The following USH2A variants were observed in gnomAD, a reference collection of about 807,000 sequenced individuals.
USH2A encodes Usher syndrome 2A (autosomal recessive, mild).
Under a neutral mutation model 538.9 loss-of-function variants are expected in USH2A, and 443 were observed. The ratio of observed to expected loss-of-function variants is 0.82; its 90% confidence interval spans 0.76 to 0.89. USH2A has a LOEUF of 0.89. Among genes scored for constraint, USH2A ranks in the 40% least tolerant of loss-of-function variants. The pLI is 0.00. For missense variants in USH2A, 6,633 were observed against 6,324.8 expected, an observed-to-expected ratio of 1.05 and a Z score of -1.65; for synonymous variants, 2,413 against 2,273.5, an observed-to-expected ratio of 1.06 and a Z score of -1.75.
intron 64 of USH2A, among the ~76,000 whole-genome samples, chr1:215,660,062 C>T (rs1019313534): frequency 6.6e-6 from 1 of 152,108 alleles, no homozygotes; most frequent in Non-Finnish European, 1.5e-5. Flanking sequence ...TTTTGAAAGT[C>T]CCAAAGCTGC....
Position 216,292,322 on chromosome 1 carries a change from C to A in USH2A, c.1693G>T (p.Asp565Tyr). Residue 565 changes from aspartate to tyrosine, a missense_variant, in exon 10 of 72, where the codon GAT becomes TAT. By Grantham distance (160) the Asp-to-Tyr change is radical (BLOSUM62 -3). Transcript: ENST00000307340. ...LYNDKPFRQG[D>Y]QVYAFNCKPC... The stretch of plus-strand genomic sequence containing the variant: ...TTACAATTGAAAGCGTAAACTTGAT[C>A]ACCTTGGCGGAAAGGCTTGTCATTA... 2 of 1,613,984 alleles carry A rather than the reference C, an allele frequency of 1.2e-6. No homozygotes were observed. Among genetic ancestry groups the A allele is most frequent in the South Asian group, 2.2e-5 (2 of 91,032 alleles).
At chr1:216,247,738 C>T (rs2036081378) in intron 12 of USH2A, among the ~76,000 whole-genome samples, 1 of 152,000 alleles carries the variant, frequency 6.6e-6, no homozygotes, top group African/African-American at 2.4e-5. Flanking sequence ...GTATTGTATA[C>T]TTGAAAATTG....
chr1:216,040,627 C>A (rs889647925), intron 32 of USH2A, among the ~76,000 whole-genome samples: 16 of 151,950 alleles, frequency 1.1e-4, no homozygotes, highest in African/African-American at 2.9e-4. Context: ...TGCTGTCCAG[C>A]CTGAACTTTG....
At chr1:215,990,920 C>T (rs911292470) in intron 35 of USH2A, among the ~76,000 whole-genome samples, 1 of 151,926 alleles carries the variant, frequency 6.6e-6, no homozygotes, top group South Asian at 2.1e-4. Context: ...TGCCACTATG[C>T]CCGGCTAATT....
intron 54 of USH2A, 64 bp downstream of exon 54, chr1:215,781,978 C>G: frequency 6.2e-7 from 1 of 1,607,838 alleles, no homozygotes; most frequent in Non-Finnish European, 8.5e-7. Context: ...CAGTCACAAC[C>G]TGGATGTTCA....
At chr1:216,230,300 T>C (rs1255074607) in intron 14 of USH2A, among the ~76,000 whole-genome samples, 1 of 152,200 alleles carries the variant, frequency 6.6e-6, no homozygotes, top group Admixed American at 6.5e-5. Flanking sequence ...GCTCCTATTT[T>C]ACTATCAAAA....
Position 215,674,427 on chromosome 1 carries a change from C to T in USH2A, c.13484G>A (p.Arg4495His), listed in dbSNP as rs550096037. Residue 4495 changes from arginine (R) to histidine (H), a missense_variant, in exon 63 of 72, where the codon CGT (arginine) becomes CAT (histidine). Physicochemically the swap from Arg to His is conservative, Grantham distance 29 (BLOSUM62 0). Transcript: ENST00000307340. ...IVYTGLETRY[R>H]DFTLTPGVEY... ...CACACCTGGGGTGAGAGTAAAATCA[C>T]GATAGCGTGTTTCCAAGCCTGTATA... 5.1e-5 allele frequency: 83 copies of T among 1,614,092 alleles called. No individual in the cohort carries two copies. Among genetic ancestry groups the T allele is most frequent in the Middle Eastern group, 3.3e-4 (2 of 6,062 alleles).
rs140368318 is a variant in USH2A at position 215,973,940 on chromosome 1, TCA to T, written c.6806-3166_6806-3165del. Among the ~76,000 whole-genome samples the T allele has an allele frequency of 7.3e-3, 1,063 of 146,348 alleles. 11 individuals carry two copies. Among genetic ancestry groups the T allele is most frequent in the African/African-American group, 0.019 (771 of 39,654 alleles). On this transcript the variant is annotated intron_variant, in intron 35 of 71. Coordinates refer to ENST00000307340, the MANE Select transcript of USH2A (RefSeq NM_206933.4). ...AAGTCTAACTTTAACATAGGTGAGA[TCA>T]CACACACACACACACACACACACAC...
At chr1:216,199,173 T>C (rs1276744978) in intron 17 of USH2A, among the ~76,000 whole-genome samples, 2 of 152,198 alleles carry the variant, frequency 1.3e-5, no homozygotes, top group Non-Finnish European at 2.9e-5. Flanking sequence ...AACCAAGGGT[T>C]CAAATGCATG....
Position 216,190,309 on chromosome 1 carries a change from T to C in USH2A, c.4310A>G (p.Tyr1437Cys), listed in dbSNP as rs763370558. ...LSYTVEGLKP[Y>C]RIYEFTITLC... The stretch of plus-strand genomic sequence containing the variant: ...AGTAATAGTAAACTCATATATCCTA[T>C]AAGGTTTCAGTCCTTCTACAGTGTA... The change falls in exon 20 of 72, where the codon TAT (tyrosine) becomes TGT (cysteine). Residue 1437 changes from tyrosine to cysteine, a missense_variant. By Grantham distance (194) the Tyr-to-Cys change is radical (BLOSUM62 -2). Coordinates refer to ENST00000307340, the MANE Select transcript of USH2A (RefSeq NM_206933.4). The C allele has an allele frequency of 4.3e-6, 7 of 1,612,472 alleles. No homozygotes were observed. The highest frequency in any genetic ancestry group is 5.9e-6 in the Non-Finnish European group (7 of 1,179,038).
At chr1:216,166,223 G>T (rs1298326062) in intron 21 of USH2A, among the ~76,000 whole-genome samples, 1 of 151,994 alleles carries the variant, frequency 6.6e-6, no homozygotes, top group African/African-American at 2.4e-5. Context: ...CCAGGTGAAA[G>T]GAAAGCGAAG....
chr1:216,393,802 A>C (rs2039154294), intron 3 of USH2A, among the ~76,000 whole-genome samples: 1 of 152,186 alleles, frequency 6.6e-6, no homozygotes, highest in South Asian at 2.1e-4. Flanking sequence ...GGGGAGCCAG[A>C]CCTGAAGAAT....
At chr1:215,723,580 C>T (rs1393404665) in intron 61 of USH2A, among the ~76,000 whole-genome samples, 1 of 152,176 alleles carries the variant, frequency 6.6e-6, no homozygotes, top group African/African-American at 2.4e-5. Context: ...GTACCTCTTG[C>T]GAGTTTGTGG....
At chr1:216,282,801 T>C (rs2036807867) in intron 11 of USH2A, among the ~76,000 whole-genome samples, 1 of 152,190 alleles carries the variant, frequency 6.6e-6, no homozygotes, top group African/African-American at 2.4e-5. Context: ...GTAGATCAAT[T>C]GGAGAGTGTT....
intron 49 of USH2A, among the ~76,000 whole-genome samples, chr1:215,805,626 C>G (rs978261435): frequency 2.6e-5 from 4 of 151,820 alleles, no homozygotes; most frequent in East Asian, 1.9e-4. Context: ...GTCCTGTAAA[C>G]AAGGAAAAAA....
intron 3 of USH2A, among the ~76,000 whole-genome samples, chr1:216,366,581 G>A (rs2038601254): frequency 6.6e-6 from 1 of 150,486 alleles, no homozygotes; most frequent in South Asian, 2.1e-4. Context: ...CTTTTTCAAT[G>A]TCCCCCCCCA....
chr1:216,344,927 C>A (rs2038145847), intron 4 of USH2A, among the ~76,000 whole-genome samples: 1 of 150,890 alleles, frequency 6.6e-6, no homozygotes, highest in Admixed American at 6.7e-5. Flanking sequence ...CTGCCTTGCC[C>A]TCTTTGCTGA....
chr1:216,011,329 T>C (rs536251420), intron 32 of USH2A, among the ~76,000 whole-genome samples: 1 of 152,106 alleles, frequency 6.6e-6, no homozygotes, highest in Non-Finnish European at 1.5e-5. Flanking sequence ...CTGACACCCA[T>C]TAGGCTCAGC....
chr1:216,272,359 T>C (rs1337777087), intron 11 of USH2A, among the ~76,000 whole-genome samples: 1 of 152,148 alleles, frequency 6.6e-6, no homozygotes, highest in East Asian at 1.9e-4. Flanking sequence ...GTAATTTGTG[T>C]TTTTGATGTT....
Sources: gnomAD v4.1 joint callset for allele counts (sites outside exome capture counted in the v4.1 genomes callset) on GRCh38, gnomAD v4.1.1 for gene constraint, MANE v1.5 for transcripts, NCBI Gene and HGNC (gene_info 2026-07-23, HGNC 2026-07-21) for gene names.